Variants in KIF5C observed in about 807,000 individuals in gnomAD.
KIF5C encodes the protein kinesin heavy chain isoform 5C.
In KIF5C, 18 loss-of-function variants were observed where a neutral mutation model predicts 125.2. The observed-to-expected ratio is 0.14, with a 90% CI of 0.10 to 0.21. The LOEUF (loss-of-function observed/expected upper bound fraction) is 0.21, where lower values mean the gene tolerates loss of function less well. KIF5C is among the 10% of genes least tolerant of loss of function. KIF5C has a pLI of 1.00. For synonymous variants in KIF5C, 405 were observed against 434.0 expected (o/e 0.93, Z 0.83); for missense variants, 780 against 1,183.8 (o/e 0.66, Z 5.01).
chr2:148,970,602 CA>C (rs1357478065), intron 11 of KIF5C, among the ~76,000 whole-genome samples: 7 of 152,200 alleles, frequency 4.6e-5, no homozygotes, highest in African/African-American at 1.7e-4. Context: ...CAGTGCCTTA[CA>C]GCAGCATTGG....
intron 16 of KIF5C, among the ~76,000 whole-genome samples, chr2:148,991,837 A>T (rs969247147): frequency 6.6e-6 from 1 of 152,214 alleles, no homozygotes; most frequent in Admixed American, 6.5e-5. Context: ...GCCCGAGGGT[A>T]CATTTCACTT....
rs570667147 is a variant in KIF5C, at chr2:148,962,858, A to G, written c.1117+739A>G. On this transcript the variant is annotated intron_variant, in intron 11 of 25. Transcript: ENST00000435030. ...GTTTTATTACTGGTTTGGGGTTAAA[A>G]GTCTACCTCTGGCAAATACTTGCAT... Among the ~76,000 whole-genome samples the G allele has an allele frequency of 2.6e-5, 4 of 152,318 alleles. No individual in the cohort carries two copies. In the South Asian group the frequency reaches 8.3e-4, roughly 32 times the overall value.
chr2:148,908,901 C>T (rs533732559), intron 1 of KIF5C, among the ~76,000 whole-genome samples: 28 of 152,198 alleles, frequency 1.8e-4, no homozygotes, highest in African/African-American at 6.0e-4. Context: ...GGAATGAATC[C>T]GTGATGTTAT....
intron 11 of KIF5C, among the ~76,000 whole-genome samples, chr2:148,966,857 C>T (rs985042205): frequency 6.6e-6 from 1 of 152,122 alleles, no homozygotes; most frequent in African/African-American, 2.4e-5. Context: ...TAATGAGATG[C>T]CATCTGCAAA....
chr2:148,934,812 C>T (rs531026559), intron 3 of KIF5C, among the ~76,000 whole-genome samples: 1 of 151,752 alleles, frequency 6.6e-6, no homozygotes, highest in Admixed American at 6.6e-5. Flanking sequence ...CACACGCAGA[C>T]GTAGCCCTCA....
At chr2:148,949,161 T>C (rs1024695749) in intron 8 of KIF5C, among the ~76,000 whole-genome samples, 6 of 152,166 alleles carry the variant, frequency 3.9e-5, no homozygotes, top group Non-Finnish European at 7.4e-5. Context: ...CTAGAATAAA[T>C]GCTGTCAAGA....
Position 148,973,466 on chromosome 2 carries a change from G to T in KIF5C, c.1248G>T (p.Lys416Asn). Residue 416 changes from lysine to asparagine, a missense_variant, in exon 12 of 26, where the codon AAG becomes AAT. Around this residue, in one of 2 missense-constraint regions of KIF5C, gnomAD observed 573 missense variants for 742.6 expected, o/e 0.77. Coordinates refer to ENST00000435030, the MANE Select transcript of KIF5C (RefSeq NM_004522.3). ...GCATCTCTACAGAGGAGAAAGAGAA[G>T]TACGATGAGGAGATCTCCAGTCTCT... ...VAGISTEEKE[K>N]YDEEISSLYR... The T allele has an allele frequency of 6.2e-7, 1 of 1,613,394 alleles. No homozygotes were observed. Among genetic ancestry groups the T allele is most frequent in the Non-Finnish European group, 8.5e-7 (1 of 1,179,646 alleles).
intron 1 of KIF5C, among the ~76,000 whole-genome samples, chr2:148,895,439 T>G (rs989495327): frequency 7.2e-5 from 11 of 152,104 alleles, no homozygotes; most frequent in African/African-American, 2.4e-4. Context: ...CACTTGGCCC[T>G]ACTTTTATCA....
intron 4 of KIF5C, among the ~76,000 whole-genome samples, chr2:148,940,993 A>C (rs145577267): frequency 6.6e-6 from 1 of 152,348 alleles, no homozygotes; most frequent in African/African-American, 2.4e-5. Flanking sequence ...ACAGGTTCTT[A>C]GGTGATGCTG....
intron 1 of KIF5C, among the ~76,000 whole-genome samples, chr2:148,905,488 T>C (rs1314482790): frequency 6.6e-6 from 1 of 152,070 alleles, no homozygotes; most frequent in Admixed American, 6.6e-5. Flanking sequence ...CTTTGCTGCT[T>C]CCCATTTAGC....
intron 16 of KIF5C, 67 bp from the exon 17 acceptor site, chr2:148,994,354 G>C: frequency 6.6e-7 from 1 of 1,522,574 alleles, no homozygotes; most frequent in Non-Finnish European, 8.8e-7. Flanking sequence ...TTTCCTACCA[G>C]ACAATTCCAG....
At chr2:148,889,052 T>C (rs1465424980) in intron 1 of KIF5C, among the ~76,000 whole-genome samples, 1 of 152,210 alleles carries the variant, frequency 6.6e-6, no homozygotes, top group African/African-American at 2.4e-5. Flanking sequence ...TTTTGTTGAA[T>C]TGTTTCTGGA....
intron 11 of KIF5C, among the ~76,000 whole-genome samples, chr2:148,971,114 A>G (rs1422007690): frequency 6.6e-6 from 1 of 152,214 alleles, no homozygotes; most frequent in Non-Finnish European, 1.5e-5. Context: ...GAGGAAGGAT[A>G]TTTACCAAAG....
intron 11 of KIF5C, among the ~76,000 whole-genome samples, chr2:148,963,410 T>G (rs1053263834): frequency 3.3e-5 from 5 of 152,002 alleles, no homozygotes; most frequent in African/African-American, 1.2e-4. Context: ...CTAGTAAGGG[T>G]GGGGTGTCAA....
At chr2:149,001,265 G>C (rs1384085994) in intron 21 of KIF5C, among the ~76,000 whole-genome samples, 1 of 152,154 alleles carries the variant, frequency 6.6e-6, no homozygotes, top group African/African-American at 2.4e-5. Context: ...TTGGTGCCTG[G>C]GGGAGGCTCC....
intron 21 of KIF5C, among the ~76,000 whole-genome samples, chr2:149,002,884 C>T (rs1414646512): frequency 1.3e-5 from 2 of 152,132 alleles, no homozygotes; most frequent in Non-Finnish European, 2.9e-5. Context: ...TTTTGAAGTT[C>T]GAGTGGTCTT....
chr2:148,973,743 G>T (rs1340518625), intron 12 of KIF5C, among the ~76,000 whole-genome samples: 2 of 152,200 alleles, frequency 1.3e-5, no homozygotes, highest in East Asian at 1.9e-4. Context: ...AGACAGGCGG[G>T]TGCTATTTAG....
At chr2:148,971,270 G>GTC (rs769688697) in intron 11 of KIF5C, among the ~76,000 whole-genome samples, 56 of 109,204 alleles carry the variant, frequency 5.1e-4, no homozygotes, top group Admixed American at 9.1e-4. Context: ...TAGAAAATCT[G>GTC]TCTGTCTGTC....
At chr2:148,998,660 T>C in intron 19 of KIF5C, 151 bp downstream of exon 19, 1 of 1,284,822 alleles carries the variant, frequency 7.8e-7, no homozygotes, top group Non-Finnish European at 1.1e-6. Context: ...GCGGGCTGCT[T>C]CCAAGGTCTG....
Sources: gnomAD v4.1 joint callset for allele counts (sites outside exome capture counted in the v4.1 genomes callset) on GRCh38, gnomAD v4.1.1 for gene constraint, gnomAD v4.1.1 regional missense constraint, MANE v1.5 for transcripts, NCBI Gene and HGNC (gene_info 2026-07-23, HGNC 2026-07-21) for gene names.